Variants in CDH4 observed in about 807,000 individuals in gnomAD.
The protein encoded by CDH4 is cadherin 4, also known as cadherin-4.
CDH4 carries 33 observed loss-of-function variants against 86.0 expected under a neutral mutation model. The observed-to-expected ratio is 0.38, with a 90% CI of 0.29 to 0.51. CDH4 has a LOEUF of 0.51. Ranked by LOEUF, CDH4 falls within the 20% of genes least tolerant of loss-of-function variation. The pLI, the probability that CDH4 is intolerant of heterozygous loss-of-function variation, is 0.86. For missense variants in CDH4, 1,114 were observed against 1,307.4 expected, an observed-to-expected ratio of 0.85 and a Z score of 2.28; for synonymous variants, 555 against 549.4, an observed-to-expected ratio of 1.01 and a Z score of -0.14.
Position 61,937,200 on chromosome 20 carries a change from G to T in CDH4, c.*257G>T. 2 of 113,050 alleles carry T rather than the reference G, an allele frequency of 1.8e-5. No homozygotes were observed. The highest frequency in any genetic ancestry group is 3.4e-4 in the South Asian group (1 of 2,940). The allele number at this position is 113,050 out of a possible 1,614,324, so 7.0% of individuals were successfully genotyped here. A position where few individuals can be genotyped will look rare whatever the true frequency, so the allele number is the denominator to read the frequency against. ...ACTCTGTCTTCACTTGAATTTCCTA[G>T]AACAGAAGCACTGTTTTTAAAAAAA... On this transcript the variant is annotated 3_prime_UTR_variant, in exon 16 of 16. Transcript: ENST00000614565.
intron 6 of CDH4, among the ~76,000 whole-genome samples, chr20:61,871,182 G>C (rs1427655069): frequency 6.6e-6 from 1 of 150,396 alleles, no homozygotes; most frequent in Non-Finnish European, 1.5e-5. Context: ...CCTCTAGTGT[G>C]GGTCTCCAGG....
At chr20:61,697,800 A>T (rs2087731393) in intron 2 of CDH4, among the ~76,000 whole-genome samples, 1 of 152,148 alleles carries the variant, frequency 6.6e-6, no homozygotes, top group Admixed American at 6.5e-5. Flanking sequence ...CCTCTGTCCG[A>T]GAAGTGCTGC....
At chr20:61,402,234 TTG>T (rs1488116171) in intron 2 of CDH4, among the ~76,000 whole-genome samples, 1 of 152,286 alleles carries the variant, frequency 6.6e-6, no homozygotes, top group Admixed American at 6.5e-5. Context: ...GATGCAGTAT[TTG>T]TGTGTTACCT....
At chr20:61,351,724 CT>C (rs11288531) in intron 2 of CDH4, among the ~76,000 whole-genome samples, 107,577 of 144,832 alleles carry the variant, frequency 0.74, 40,415 homozygotes, top group African/African-American at 0.89. Flanking sequence ...TTTTATTTAT[CT>C]TTTTTTTTTT....
At chr20:61,777,229 G>A (rs1227011227) in intron 4 of CDH4, among the ~76,000 whole-genome samples, 1 of 152,212 alleles carries the variant, frequency 6.6e-6, no homozygotes, top group African/African-American at 2.4e-5. Context: ...GGCATGCAGT[G>A]GGCACTCTAT....
At chr20:61,882,667 C>T (rs942877398) in intron 7 of CDH4, among the ~76,000 whole-genome samples, 3 of 152,100 alleles carry the variant, frequency 2.0e-5, no homozygotes, top group South Asian at 2.1e-4. Context: ...TTTTCCCTGC[C>T]GTAGAGAAAT....
intron 2 of CDH4, among the ~76,000 whole-genome samples, chr20:61,565,211 C>A (rs1271163849): frequency 2.1e-4 from 4 of 18,638 alleles, no homozygotes; most frequent in Admixed American, 4.8e-4. Flanking sequence ...GGTCGCGGTG[C>A]TCTCGGTGGT....
chr20:61,935,441 C>G (rs969916590), intron 15 of CDH4, among the ~76,000 whole-genome samples: 1 of 151,684 alleles, frequency 6.6e-6, no homozygotes, highest in African/African-American at 2.4e-5. Flanking sequence ...TTTGCCCTGC[C>G]CAGTCTATAA....
At chr20:61,383,173 ATATT>A (rs1442373027) in intron 2 of CDH4, among the ~76,000 whole-genome samples, 7 of 88,736 alleles carry the variant, frequency 7.9e-5, no homozygotes, top group Admixed American at 4.5e-4. Flanking sequence ...ATATATGAAT[ATATT>A]TATGAATATA....
chr20:61,631,657 A>G (rs1455356458), intron 2 of CDH4, among the ~76,000 whole-genome samples: 1 of 152,196 alleles, frequency 6.6e-6, no homozygotes, highest in Admixed American at 6.5e-5. Flanking sequence ...AAAAGAAAAA[A>G]AAGAGTGGGG....
At chr20:61,362,293 A>T (rs987861730) in intron 2 of CDH4, among the ~76,000 whole-genome samples, 1 of 152,134 alleles carries the variant, frequency 6.6e-6, no homozygotes, top group Non-Finnish European at 1.5e-5. Flanking sequence ...GCCACAGAGT[A>T]TTCAGCAGGG....
At chr20:61,301,001 C>T (rs571631428) in intron 2 of CDH4, among the ~76,000 whole-genome samples, 3 of 152,214 alleles carry the variant, frequency 2.0e-5, no homozygotes, top group Non-Finnish European at 2.9e-5. Context: ...GCTGGGCAGC[C>T]GTGGACTCAC....
chr20:61,799,559 C>T (rs921235730), intron 4 of CDH4, among the ~76,000 whole-genome samples: 1 of 152,196 alleles, frequency 6.6e-6, no homozygotes, highest in Non-Finnish European at 1.5e-5. Flanking sequence ...GGCCAGGGGG[C>T]TGCTCTCTCC....
rs565577486 is a variant in CDH4 at position 61,333,002 on chromosome 20, G to A, written c.169+78065G>A. On this transcript the variant is annotated intron_variant, in intron 2 of 15. Transcript: ENST00000614565. ...TTCAGCCTTTCTTCCCCACCGCTGGGCAAAGTCTTTATTTTTGGACCAAAC... is the reference window on the plus strand; with the variant it reads ...TTCAGCCTTTCTTCCCCACCGCTGGACAAAGTCTTTATTTTTGGACCAAAC... Among the ~76,000 whole-genome samples the A allele has an allele frequency of 9.2e-5, 14 of 152,326 alleles. No homozygotes were observed. The South Asian group carries it at 2.9e-3, about 32-fold the overall frequency.
At chr20:61,255,981 A>C (rs143474330) in intron 2 of CDH4, among the ~76,000 whole-genome samples, 13 of 152,214 alleles carry the variant, frequency 8.5e-5, no homozygotes, top group Non-Finnish European at 1.5e-4. Flanking sequence ...GATACTACTG[A>C]CTCATTAATC....
intron 4 of CDH4, among the ~76,000 whole-genome samples, chr20:61,809,501 T>C (rs748600972): frequency 6.6e-6 from 1 of 152,214 alleles, no homozygotes; most frequent in Non-Finnish European, 1.5e-5. Flanking sequence ...CCCAGTATGC[T>C]GGATGATTAA....
rs531333958 is a variant in CDH4 at position 61,491,670 on chromosome 20, T to C, written c.169+236733T>C. 9.8e-5 allele frequency among the ~76,000 whole-genome samples: 15 copies of C among 152,340 alleles called. No homozygotes were observed. In the South Asian group the frequency reaches 1.0e-3, roughly 11 times the overall value. ...CATATATTTCCTCTGTTTTCGTTGG[T>C]GGTATTGATGCTAGTTGTGTTGATG... On this transcript the variant is annotated intron_variant, in intron 2 of 15. Transcript: ENST00000614565.
At chr20:61,546,468 A>G (rs959466552) in intron 2 of CDH4, among the ~76,000 whole-genome samples, 1 of 151,778 alleles carries the variant, frequency 6.6e-6, no homozygotes, top group Non-Finnish European at 1.5e-5. Flanking sequence ...CAGTGCTTCT[A>G]GGATCCAGTG....
intron 2 of CDH4, among the ~76,000 whole-genome samples, chr20:61,599,438 C>T (rs73611544): frequency 0.04 from 6,103 of 152,282 alleles, 185 homozygotes; most frequent in East Asian, 0.14. Context: ...AATTCATCAG[C>T]ACCCTGAGTG....
Sources: allele counts gnomAD v4.1 joint callset (sites outside exome capture counted in the v4.1 genomes callset), GRCh38; gene constraint gnomAD v4.1.1; transcripts MANE v1.5; gene names NCBI Gene and HGNC (gene_info 2026-07-23, HGNC 2026-07-21).